MXRA7: variants seen among roughly 807,000 people sequenced by gnomAD.
The protein encoded by MXRA7 is matrix-remodeling-associated protein 7.
MXRA7 carries 18 observed loss-of-function variants against 17.4 expected under a neutral mutation model. The ratio of observed to expected loss-of-function variants is 1.03; its 90% CI spans 0.71 to 1.53. The LOEUF is 1.53. MXRA7 is among the 40% of genes most tolerant of loss of function. The pLI is 0.00. For missense variants in MXRA7, 141 were observed against 209.3 expected (o/e 0.67, Z 2.01); for synonymous variants, 70 against 101.7 (o/e 0.69, Z 1.87).
chr17:76,688,035 G>A, intron 2 of MXRA7, 78 bp downstream of exon 2: 2 of 1,104,090 alleles, frequency 1.8e-6, no homozygotes, highest in Non-Finnish European at 2.6e-6. Context: ...TCGAACCCCA[G>A]CTCCTGTGAT....
At chr17:76,710,579 G>T (rs1416116703) in intron 1 of MXRA7, 26 bp downstream of exon 1, 15 of 1,284,362 alleles carry the variant, frequency 1.2e-5, no homozygotes, top group African/African-American at 1.6e-5. Context: ...GGGTGGGGAG[G>T]GGGCCGCGAG....
At chr17:76,680,962 G>A in intron 3 of MXRA7, 83 bp from the exon 4 acceptor site, 1 of 1,116,608 alleles carries the variant, frequency 9.0e-7, no homozygotes. Context: ...GGGAAATGGG[G>A]ACGAGGAAGG....
At chr17:76,697,591 G>A (rs753253779) in intron 1 of MXRA7, among the ~76,000 whole-genome samples, 14 of 152,208 alleles carry the variant, frequency 9.2e-5, no homozygotes, top group African/African-American at 1.4e-4. Context: ...TGACTGAATA[G>A]AGACCACATT....
At chr17:76,710,536 G>A (rs1292771611) in intron 1 of MXRA7, 69 bp downstream of exon 1, 82 of 1,189,044 alleles carry the variant, frequency 6.9e-5, no homozygotes, top group Non-Finnish European at 4.8e-5. Flanking sequence ...TCCCTGGCTC[G>A]GCGGGGAACG....
At chr17:76,679,527 ATTTTG>A (rs934940599), downstream of MXRA7, 10 of 888,202 alleles carry the variant, frequency 1.1e-5, no homozygotes, top group African/African-American at 1.8e-4. Context: ...TTCAAAAGGG[ATTTTG>A]TTTTAAAACA....
intron 1 of MXRA7, 135 bp downstream of exon 1, chr17:76,710,470 G>A: frequency 1.4e-6 from 1 of 703,040 alleles, no homozygotes; most frequent in Non-Finnish European, 1.9e-6. Context: ...CATTTCCTGC[G>A]GGCCGCGGGT....
At chr17:76,698,806 T>G (rs2076563206) in intron 1 of MXRA7, among the ~76,000 whole-genome samples, 1 of 130,688 alleles carries the variant, frequency 7.7e-6, no homozygotes, top group Non-Finnish European at 1.6e-5. Context: ...CACTGCAACC[T>G]CCGCCTCCCG....
chr17:76,686,509 C>A (rs899732424), intron 2 of MXRA7, among the ~76,000 whole-genome samples: 3 of 152,074 alleles, frequency 2.0e-5, no homozygotes, highest in Non-Finnish European at 2.9e-5. Context: ...AGAAAACATA[C>A]AAAATCCTGC....
intron 3 of MXRA7, chr17:76,684,767 T>G: frequency 2.3e-6 from 1 of 429,114 alleles, no homozygotes; most frequent in Non-Finnish European, 4.3e-6. Context: ...TCTCATTTCT[T>G]TAGATGGGGG....
downstream of MXRA7, chr17:76,677,778 G>T: frequency 9.8e-7 from 1 of 1,020,608 alleles, no homozygotes; most frequent in Non-Finnish European, 1.5e-6. Context: ...TGTGCAGCCG[G>T]CGGAGTTGGG....
At chr17:76,676,579 A>G (rs1327670236), downstream of MXRA7, 1 of 152,028 alleles carries the variant, frequency 6.6e-6, no homozygotes. Flanking sequence ...CCTGGCCAAC[A>G]TGGTGAAACT....
In MXRA7 at chr17:76,681,500, T is replaced by C. The variant is rs1384053413; in HGVS notation, c.501-621A>G. 6.6e-6 allele frequency among the ~76,000 whole-genome samples: 1 copy of C among 152,116 alleles called. No homozygotes were observed. The highest frequency in any genetic ancestry group is 1.5e-5 in the Non-Finnish European group (1 of 68,020). On this transcript the variant is annotated intron_variant, in intron 3 of 3. Transcript: ENST00000449428. This position sits in a 1 kb window ranked among gnomAD's most constrained non-coding sequence, Gnocchi z 4.7. ...GGTCTATTGTCTGTAGTTTCTTGCA[T>C]ACATCAGATGGAAGAACCAGAACTA...
chr17:76,705,062 G>T (rs1388926387), intron 1 of MXRA7, among the ~76,000 whole-genome samples: 1 of 152,158 alleles, frequency 6.6e-6, no homozygotes, highest in African/African-American at 2.4e-5. Flanking sequence ...AAAGGAAACT[G>T]TCTGCATGCT....
intron 1 of MXRA7, among the ~76,000 whole-genome samples, chr17:76,706,281 G>A (rs559387047): frequency 1.8e-5 from 2 of 110,024 alleles, no homozygotes; most frequent in African/African-American, 3.4e-5. Context: ...TGCCGTCACA[G>A]AGGCCCACGC....
At chr17:76,707,556 G>T (rs995972498) in intron 1 of MXRA7, among the ~76,000 whole-genome samples, 1 of 151,968 alleles carries the variant, frequency 6.6e-6, no homozygotes, top group Admixed American at 6.6e-5. Context: ...CTCCTGCCTC[G>T]GCCTCCCAAA....
chr17:76,705,278 T>C (rs568223855), intron 1 of MXRA7, among the ~76,000 whole-genome samples: 61 of 152,300 alleles, frequency 4.0e-4, no homozygotes, highest in Non-Finnish European at 6.5e-4. Flanking sequence ...AGTTAGGCAC[T>C]CAAACAACTT....
intron 1 of MXRA7, among the ~76,000 whole-genome samples, chr17:76,698,248 C>A (rs1046807608): frequency 2.6e-5 from 4 of 152,184 alleles, no homozygotes; most frequent in Admixed American, 2.0e-4. Flanking sequence ...CCTGCCCAGG[C>A]CCCCCAACCC....
In MXRA7 at chr17:76,710,919, C is replaced by T; in HGVS notation, c.28G>A (p.Ala10Thr). 1.0e-6 allele frequency: 1 copy of T among 1,001,078 alleles called. No individual in the cohort carries two copies. The highest frequency in any genetic ancestry group is 4.2e-5 in the South Asian group (1 of 23,852). 62.0% of individuals were successfully genotyped at this position (1,001,078 alleles called of 1,614,324 possible). Residue 10 changes from alanine to threonine, a missense_variant, in exon 1 of 4, where the codon GCG becomes ACG. This residue lies in a region of MXRA7 where 72 missense variants were observed against 111.9 expected (regional missense o/e 0.64). Transcript: ENST00000449428. MEAPAELLAALPALATALAL... is the reference protein window; with the variant it reads MEAPAELLATLPALATALAL... ...AGCGCGGTGGCCAGCGCAGGCAGCG[C>T]GGCCAGTAGCTCGGCCGGCGCCTCC...
chr17:76,701,159 CG>C (rs1329054697), intron 1 of MXRA7, among the ~76,000 whole-genome samples: 1 of 151,662 alleles, frequency 6.6e-6, no homozygotes, highest in Admixed American at 6.6e-5. Flanking sequence ...GTGGGGAGGA[CG>C]GGAAACAGGG....
Sources: gnomAD v4.1 joint callset for allele counts (sites outside exome capture counted in the v4.1 genomes callset) on GRCh38, gnomAD v4.1.1 for gene constraint, gnomAD v4.1.1 regional missense constraint, Gnocchi (gnomAD v3.1) non-coding constraint, MANE v1.5 for transcripts, NCBI Gene and HGNC (gene_info 2026-07-23, HGNC 2026-07-21) for gene names.